The following TTYH2 variants were observed in gnomAD, a reference collection of about 807,000 sequenced individuals.
TTYH2 encodes the protein protein tweety homolog 2.
Under a neutral mutation model 68.3 loss-of-function variants are expected in TTYH2, and 49 were observed. The observed-to-expected ratio is 0.72, with a 90% CI of 0.57 to 0.91. The LOEUF is 0.91. Ranked by LOEUF, TTYH2 falls within the 40% of genes least tolerant of loss-of-function variation. The pLI is 0.00. For missense variants in TTYH2, 631 were observed against 700.4 expected (o/e 0.90, Z 1.12); for synonymous variants, 272 against 300.8 (o/e 0.90, Z 0.99).
intron 2 of TTYH2, among the ~76,000 whole-genome samples, chr17:74,230,144 T>TAA (rs2050372979): frequency 6.6e-6 from 1 of 151,078 alleles, no homozygotes; most frequent in Admixed American, 6.6e-5. Context: ...AAAATAAAAA[T>TAA]AAAAATAAAG....
Position 74,230,966 on chromosome 17 carries a change from T to A in TTYH2, c.381T>A (p.Asp127Glu). 6.2e-7 allele frequency: 1 copy of A among 1,614,160 alleles called. No homozygotes were observed. The highest frequency in any genetic ancestry group is 1.7e-5 in the Admixed American group (1 of 60,032). The change falls in exon 3 of 14, where the codon GAT (aspartate) becomes GAA (glutamate). Residue 127 changes from aspartate (D) to glutamate (E), a missense_variant. Coordinates refer to ENST00000269346, the MANE Select transcript of TTYH2 (RefSeq NM_032646.6). ...GAYQLMYSLD[D>E]ANHTFSGIDA... is the part of the protein sequence containing the mutation. ...ACCAGCTGATGTACTCCTTGGACGA[T>A]GCCAACCACACCTTCTCTGGGATCG... is the stretch of plus-strand genomic sequence containing the variant.
chr17:74,237,788 G>A (rs1202920683), intron 4 of TTYH2, among the ~76,000 whole-genome samples: 1 of 151,922 alleles, frequency 6.6e-6, no homozygotes, highest in African/African-American at 2.4e-5. Context: ...GTGCCGCCAC[G>A]CCAGACTAAT....
intron 2 of TTYH2, among the ~76,000 whole-genome samples, chr17:74,225,121 G>A (rs942815817): frequency 1.3e-5 from 2 of 152,212 alleles, no homozygotes; most frequent in Admixed American, 6.5e-5. Context: ...AAACCCATAG[G>A]ATGAGAAGGC....
intron 13 of TTYH2, among the ~76,000 whole-genome samples, chr17:74,255,420 G>A (rs1047152061): frequency 3.3e-5 from 5 of 152,160 alleles, no homozygotes; most frequent in African/African-American, 1.2e-4. Context: ...TCTCCACAGA[G>A]CTGTGGCATT....
chr17:74,215,507 C>A lies in TTYH2; in HGVS notation c.129+1791C>A. The A allele has an allele frequency of 1.1e-6, 1 of 900,866 alleles. No homozygotes were observed. Among genetic ancestry groups the A allele is most frequent in the Non-Finnish European group, 1.7e-6 (1 of 604,224 alleles). The allele number at this position is 900,866 out of a possible 1,614,324, so 55.8% of individuals were successfully genotyped here. On this transcript the variant is annotated intron_variant, in intron 1 of 13. Coordinates refer to ENST00000269346, the MANE Select transcript of TTYH2 (RefSeq NM_032646.6). The surrounding 1 kb of genome is among the most constrained non-coding windows in gnomAD (Gnocchi z 4.3). ...TCCTCCCAGGATTCTGGCCCCGGCT[C>A]ACTTTGTGCTGGGCATCAAATGGTT...
chr17:74,227,762 T>TTTTTTTTTTTTG lies in TTYH2; in HGVS notation c.303-3117_303-3116insTTGTTTTTTTTT, dbSNP rs1567812278. ...TGCAGGAACCTTGTTTTTTTTTTTG[T>TTTTTTTTTTTTG]TTTTTTTTTAATGTCTCCTGCCCCC... On this transcript the variant is annotated intron_variant, in intron 2 of 13. Transcript: ENST00000269346. Among the ~76,000 whole-genome samples the TTTTTTTTTTTTG allele has an allele frequency of 7.2e-4, 91 of 125,804 alleles. 1 individual carries two copies. In the East Asian group the frequency reaches 0.013, roughly 18 times the overall value. 82.5% of individuals were successfully genotyped at this position (125,804 alleles called of 152,430 possible). A position where few individuals can be genotyped will look rare whatever the true frequency, so the allele number is the denominator to read the frequency against.
At chr17:74,251,536 T>G (rs1035276616) in intron 10 of TTYH2, among the ~76,000 whole-genome samples, 1 of 152,050 alleles carries the variant, frequency 6.6e-6, no homozygotes, top group Non-Finnish European at 1.5e-5. Context: ...CTTCTACATC[T>G]AATCCCCAGC....
intron 1 of TTYH2, among the ~76,000 whole-genome samples, chr17:74,219,469 A>G (rs1037317459): frequency 2.6e-5 from 4 of 151,872 alleles, no homozygotes; most frequent in Admixed American, 2.6e-4. Context: ...TATACCCTCG[A>G]GCACCTGCGT....
chr17:74,224,826 C>T (rs1416137078), intron 2 of TTYH2, among the ~76,000 whole-genome samples: 1 of 151,788 alleles, frequency 6.6e-6, no homozygotes, highest in Non-Finnish European at 1.5e-5. Context: ...ATGGTGAAAC[C>T]CTGTCTCTAC....
At chr17:74,243,096 C>T (rs115138577) in intron 4 of TTYH2, among the ~76,000 whole-genome samples, 1,748 of 152,316 alleles carry the variant, frequency 0.011, 34 homozygotes, top group African/African-American at 0.04. Context: ...TTTAGAACAG[C>T]TCCTCCACTG....
At chr17:74,257,867 G>A (rs1354945561) in intron 13 of TTYH2, among the ~76,000 whole-genome samples, 1 of 152,122 alleles carries the variant, frequency 6.6e-6, no homozygotes, top group African/African-American at 2.4e-5. Context: ...TAAGAAGGAG[G>A]GTCTTGGCCA....
intron 13 of TTYH2, among the ~76,000 whole-genome samples, chr17:74,256,193 T>A (rs946947178): frequency 7.2e-5 from 11 of 152,122 alleles, no homozygotes; most frequent in Non-Finnish European, 1.3e-4. Flanking sequence ...TTCCAGAAGG[T>A]TCTATTTAAT....
chr17:74,235,207 G>GT lies in TTYH2; in HGVS notation c.415-2086dup, dbSNP rs571343529. 3.9e-4 allele frequency among the ~76,000 whole-genome samples: 60 copies of GT among 152,348 alleles called. 1 individual carries two copies. In the South Asian group the frequency reaches 0.012, roughly 30 times the overall value. On this transcript the variant is annotated intron_variant, in intron 3 of 13. Transcript: ENST00000269346. Reference sequence around the variant, plus strand: ...AGATGTAAAAGGCCACACAGCTGATGTGAAGTCCCCATAACACAGAGAACA... The same window carrying GT: ...AGATGTAAAAGGCCACACAGCTGATGTTGAAGTCCCCATAACACAGAGAACA...
intron 2 of TTYH2, among the ~76,000 whole-genome samples, chr17:74,228,719 G>A (rs1025435930): frequency 6.6e-6 from 1 of 152,162 alleles, no homozygotes; most frequent in African/African-American, 2.4e-5. Context: ...GGGAACCAGG[G>A]CGGGTGCAAG....
rs533339066 is a variant in TTYH2, at chr17:74,228,454, C to T, written c.303-2434C>T. On this transcript the variant is annotated intron_variant, in intron 2 of 13. Coordinates refer to ENST00000269346, the MANE Select transcript of TTYH2 (RefSeq NM_032646.6). ...GCTGCTTAATCAATCTTCAGATGGT[C>T]TCAAGTGGTGCAGGTCAGATGGAAT... 2.0e-5 allele frequency among the ~76,000 whole-genome samples: 3 copies of T among 152,306 alleles called. No individual in the cohort carries two copies. In the South Asian group the frequency reaches 6.2e-4, roughly 32 times the overall value.
intron 6 of TTYH2, among the ~76,000 whole-genome samples, chr17:74,245,872 A>G (rs1353715223): frequency 6.6e-6 from 1 of 152,094 alleles, no homozygotes; most frequent in African/African-American, 2.4e-5. Flanking sequence ...CAGAGGATTG[A>G]CAAGGCCTCC....
rs2050608844 is a variant in TTYH2, at chr17:74,250,337, G to A, written c.1096G>A (p.Asp366Asn). ...CCTTCACCAGCTGACCGCCATGGTG[G>A]ACTGCCGAGGGCTGCACAAGGTGCA... ...SSLHQLTAMV[D>N]CRGLHKDYLD... The change falls in exon 10 of 14, where the codon GAC (aspartate) becomes AAC (asparagine). Residue 366 changes from aspartate to asparagine, a missense_variant. Physicochemically the swap from Asp to Asn is conservative, Grantham distance 23. Coordinates refer to ENST00000269346, the MANE Select transcript of TTYH2 (RefSeq NM_032646.6). 6.2e-7 allele frequency: 1 copy of A among 1,613,392 alleles called. No individual in the cohort carries two copies. Among genetic ancestry groups the A allele is most frequent in the East Asian group, 2.2e-5 (1 of 44,870 alleles).
intron 5 of TTYH2, 82 bp from the exon 6 acceptor site, chr17:74,243,895 G>A: frequency 7.3e-7 from 1 of 1,378,470 alleles, no homozygotes; most frequent in Non-Finnish European, 1.0e-6. Context: ...CCATTGCAAG[G>A]GTCTGGGGGC....
intron 4 of TTYH2, 113 bp from the exon 5 acceptor site, chr17:74,243,261 G>A: frequency 1.1e-6 from 1 of 871,158 alleles, no homozygotes; most frequent in Non-Finnish European, 1.9e-6. Context: ...TGGGCAGCAT[G>A]TCCATAGTAG....
Sources: allele counts gnomAD v4.1 joint callset (sites outside exome capture counted in the v4.1 genomes callset), GRCh38; gene constraint gnomAD v4.1.1; non-coding constraint Gnocchi (gnomAD v3.1); transcripts MANE v1.5; gene names NCBI Gene and HGNC (gene_info 2026-07-23, HGNC 2026-07-21).